The following CDC25A variants were observed in gnomAD, a reference collection of about 807,000 sequenced individuals.
CDC25A encodes the protein M-phase inducer phosphatase 1.
Under a neutral mutation model 64.6 loss-of-function variants are expected in CDC25A, and 17 were observed. The observed-to-expected ratio is 0.26, with a 90% CI of 0.18 to 0.39. The LOEUF is 0.39. Among genes scored for constraint, CDC25A ranks in the 10% least tolerant of loss-of-function variants. CDC25A has a pLI of 1.00. For synonymous variants in CDC25A, 229 were observed against 238.6 expected (o/e 0.96, Z 0.37); for missense variants, 473 against 654.8 (o/e 0.72, Z 3.03).
At chr3:48,181,791 C>CAAA (rs878946423) in intron 5 of CDC25A, 21 of 449,658 alleles carry the variant, frequency 4.7e-5, no homozygotes, top group South Asian at 8.5e-5. Flanking sequence ...CATGAAGAAT[C>CAAA]AAAAAAAAAA....
intron 5 of CDC25A, among the ~76,000 whole-genome samples, chr3:48,181,906 G>A (rs909603118): frequency 1.3e-5 from 2 of 151,986 alleles, no homozygotes; most frequent in African/African-American, 2.4e-5. Flanking sequence ...TGATTGTCCC[G>A]ATTTTACAGG....
intron 4 of CDC25A, 73 bp downstream of exon 4, chr3:48,183,727 C>A: frequency 1.1e-6 from 1 of 921,862 alleles, no homozygotes; most frequent in Non-Finnish European, 1.8e-6. Context: ...ATTAAGTCTC[C>A]TATCAAGGTC....
At chr3:48,182,873 T>TA in intron 5 of CDC25A, 56 bp downstream of exon 5, 1 of 1,164,598 alleles carries the variant, frequency 8.6e-7, no homozygotes, top group African/African-American at 1.5e-5. Context: ...TCTAAGCCAC[T>TA]GACAGCCTGT....
chr3:48,157,847 C>T lies in CDC25A; in HGVS notation c.*1098G>A, dbSNP rs1306277931. On this transcript the variant is annotated 3_prime_UTR_variant, in exon 15 of 15. Transcript: ENST00000302506. Reference sequence around the variant, plus strand: ...CAGGGCTTCCAGCCCCTCTCCTCACCCTTGGGTGGTCCATCCAACACTGAT... The same window carrying T: ...CAGGGCTTCCAGCCCCTCTCCTCACTCTTGGGTGGTCCATCCAACACTGAT... 1 of 152,730 alleles carries T rather than the reference C, an allele frequency of 6.5e-6. No homozygotes were observed. The highest frequency in any genetic ancestry group is 1.5e-5 in the Non-Finnish European group (1 of 68,106). The allele number at this position is 152,730 out of a possible 1,614,324, so 9.5% of individuals were successfully genotyped here.
At chr3:48,173,047 G>A (rs1299469673) in intron 9 of CDC25A, among the ~76,000 whole-genome samples, 3 of 151,816 alleles carry the variant, frequency 2.0e-5, no homozygotes, top group Non-Finnish European at 4.4e-5. Context: ...GTGAAACCCC[G>A]TCTCTACTAA....
intron 10 of CDC25A, 35 bp from the exon 11 acceptor site, chr3:48,165,928 A>G: frequency 1.5e-6 from 2 of 1,346,466 alleles, no homozygotes; most frequent in Non-Finnish European, 1.1e-6. Context: ...GAGAATCTGA[A>G]AGCCTATATA....
chr3:48,158,830 A>G lies in CDC25A; in HGVS notation c.*115T>C. On this transcript the variant is annotated 3_prime_UTR_variant, in exon 15 of 15. Transcript: ENST00000302506. The stretch of plus-strand genomic sequence containing the variant: ...GGTAGGTTTAAGGCATGGAAGTCCC[A>G]GGCCCCCTCTCCAAATGTCACACAG... 1 of 1,317,572 alleles carries G rather than the reference A, an allele frequency of 7.6e-7. No homozygotes were observed. The highest frequency in any genetic ancestry group is 1.4e-5 in the South Asian group (1 of 72,730). 81.6% of individuals were successfully genotyped at this position (1,317,572 alleles called of 1,614,324 possible).
chr3:48,181,431 T>G, intron 5 of CDC25A: 2 of 604,022 alleles, frequency 3.3e-6, no homozygotes, highest in Non-Finnish European at 6.0e-6. Flanking sequence ...CCTAAAATAT[T>G]CACTTAAGAA....
intron 9 of CDC25A, among the ~76,000 whole-genome samples, chr3:48,171,336 T>G (rs999796184): frequency 9.9e-5 from 15 of 151,068 alleles, no homozygotes; most frequent in Non-Finnish European, 1.5e-5. Context: ...ATCCTGCCAC[T>G]GCACTCCAGC....
At chr3:48,183,874 CAAGTA>C in intron 3 of CDC25A, 38 bp from the exon 4 acceptor site, 2 of 1,305,392 alleles carry the variant, frequency 1.5e-6, no homozygotes, top group Non-Finnish European at 2.2e-6. Context: ...GAGAATAAAA[CAAGTA>C]AAGAGGTATT....
At chr3:48,182,631 C>T (rs1283351600) in intron 5 of CDC25A, among the ~76,000 whole-genome samples, 1 of 152,244 alleles carries the variant, frequency 6.6e-6, no homozygotes, top group Non-Finnish European at 1.5e-5. Flanking sequence ...ACAATCTGAG[C>T]AACTCCCGCC....
At chr3:48,181,423 T>C in intron 5 of CDC25A, 1 of 599,890 alleles carries the variant, frequency 1.7e-6, no homozygotes, top group Non-Finnish European at 3.0e-6. Flanking sequence ...TCCCTTGCCC[T>C]AAAATATTCA....
At chr3:48,159,218 T>C in intron 14 of CDC25A, 126 bp downstream of exon 14, 1 of 1,307,392 alleles carries the variant, frequency 7.6e-7, no homozygotes, top group Non-Finnish European at 1.1e-6. Context: ...GGGGCTTTCT[T>C]TGGGTTCAGC....
intron 8 of CDC25A, 23 bp downstream of exon 8, chr3:48,177,348 C>G (rs767877083): frequency 6.3e-7 from 1 of 1,599,776 alleles, no homozygotes; most frequent in Non-Finnish European, 8.6e-7. Flanking sequence ...AGGGCTTCCT[C>G]CAGACACACT....
At chr3:48,167,709 C>T in intron 10 of CDC25A, 137 bp downstream of exon 10, 1 of 610,238 alleles carries the variant, frequency 1.6e-6, no homozygotes, top group East Asian at 2.7e-5. Flanking sequence ...GTTTGCTTCC[C>T]TACCTTTAAC....
chr3:48,158,860 C>G lies in CDC25A; in HGVS notation c.*85G>C. 6.6e-7 allele frequency: 1 copy of G among 1,505,908 alleles called. No homozygotes were observed. 93.3% of individuals were successfully genotyped at this position (1,505,908 alleles called of 1,614,324 possible). ...CCCTCTCCAAATGTCACACAGCTGT[C>G]CCCTTTGCTTAAGTTTCTCTGCAGC... On this transcript the variant is annotated 3_prime_UTR_variant, in exon 15 of 15. Transcript: ENST00000302506.
Position 48,182,936 on chromosome 3 carries a change from T to G in CDC25A, c.422A>C (p.Lys141Thr). The change falls in exon 5 of 15, where the codon AAG (lysine) becomes ACG (threonine). Residue 141 changes from lysine to threonine, a missense_variant. By Grantham distance (78) the Lys-to-Thr change is moderately conservative. Coordinates refer to ENST00000302506, the MANE Select transcript of CDC25A (RefSeq NM_001789.3). ...IFQLIDPDEN[K>T]ENEAFEFKKP... is the part of the protein sequence containing the mutation. ...CATTGAAGTCACACTCACATTTTCC[T>G]TGTTCTCATCTGGGTCGATGAGCTG... is the stretch of plus-strand genomic sequence containing the variant. The G allele has an allele frequency of 6.2e-7, 1 of 1,607,604 alleles. No individual in the cohort carries two copies. The highest frequency in any genetic ancestry group is 8.5e-7 in the Non-Finnish European group (1 of 1,174,052).
intron 13 of CDC25A, among the ~76,000 whole-genome samples, chr3:48,160,927 G>T (rs1655290391): frequency 6.6e-6 from 1 of 151,930 alleles, no homozygotes; most frequent in Admixed American, 6.6e-5. Flanking sequence ...GGCTGAGGCG[G>T]TGGATCACGA....
At chr3:48,178,371 CTA>C (rs2032543413) in intron 6 of CDC25A, among the ~76,000 whole-genome samples, 1 of 152,180 alleles carries the variant, frequency 6.6e-6, no homozygotes, top group Non-Finnish European at 1.5e-5. Context: ...ATGCAAATCT[CTA>C]TAAAGACCAT....
Sources: gnomAD v4.1 joint callset for allele counts (sites outside exome capture counted in the v4.1 genomes callset) on GRCh38, gnomAD v4.1.1 for gene constraint, MANE v1.5 for transcripts, NCBI Gene and HGNC (gene_info 2026-07-23, HGNC 2026-07-21) for gene names.